Variants in IGFBP5 observed in about 807,000 individuals in gnomAD.
The protein encoded by IGFBP5 is insulin like growth factor binding protein 5, also known as insulin-like growth factor-binding protein 5.
IGFBP5 carries 12 observed loss-of-function variants against 28.0 expected under a neutral mutation model. The ratio of observed to expected loss-of-function variants is 0.43; its 90% CI spans 0.27 to 0.69. The LOEUF (loss-of-function observed/expected upper bound fraction) is 0.69. IGFBP5 is among the 30% of genes least tolerant of loss of function. IGFBP5 has a pLI of 0.20. For missense variants in IGFBP5, 344 were observed against 381.6 expected (o/e 0.90, Z 0.82); for synonymous variants, 152 against 150.2 (o/e 1.01, Z -0.09).
chr2:216,690,616 T>A (rs567081219), intron 1 of IGFBP5, among the ~76,000 whole-genome samples: 4 of 151,850 alleles, frequency 2.6e-5, no homozygotes, highest in South Asian at 4.2e-4. Context: ...GTCCACCCTC[T>A]GCAGCTGCAG....
chr2:216,684,579 G>A (rs1314967909), intron 1 of IGFBP5, among the ~76,000 whole-genome samples: 1 of 152,192 alleles, frequency 6.6e-6, no homozygotes. Context: ...AGATGAGGAC[G>A]CCTAGAATCT....
chr2:216,692,100 A>G lies in IGFBP5; in HGVS notation c.337+2339T>C, dbSNP rs1050198638. On this transcript the variant is annotated intron_variant, in intron 1 of 3. Coordinates refer to ENST00000233813, the MANE Select transcript of IGFBP5 (RefSeq NM_000599.4). This position sits in a 1 kb window ranked among gnomAD's most constrained non-coding sequence, Gnocchi z 4.2. ...GGACCCGCCCAGTGGTTGTCCGGCTAAAACGCCCTTTCCAGGAGCGCCCAC... is the reference window on the plus strand; with the variant it reads ...GGACCCGCCCAGTGGTTGTCCGGCTGAAACGCCCTTTCCAGGAGCGCCCAC... Among the ~76,000 whole-genome samples the G allele has an allele frequency of 6.6e-6, 1 of 152,120 alleles. No homozygotes were observed. The highest frequency in any genetic ancestry group is 1.5e-5 in the Non-Finnish European group (1 of 68,012).
At position 216,692,106 on chromosome 2, in the gene IGFBP5, C is replaced by A. The variant is rs1689105522; in HGVS notation, c.337+2333G>T. On this transcript the variant is annotated intron_variant, in intron 1 of 3. Coordinates refer to ENST00000233813, the MANE Select transcript of IGFBP5 (RefSeq NM_000599.4). The surrounding 1 kb of genome is among the most constrained non-coding windows in gnomAD (Gnocchi z 4.2). ...GCCCAGTGGTTGTCCGGCTAAAACG[C>A]CCTTTCCAGGAGCGCCCACTCCCAT... is the stretch of plus-strand genomic sequence containing the variant. 6.6e-6 allele frequency among the ~76,000 whole-genome samples: 1 copy of A among 152,146 alleles called. No individual in the cohort carries two copies. The highest frequency in any genetic ancestry group is 2.1e-4 in the South Asian group (1 of 4,828).
rs1688896505 is a variant in IGFBP5, at chr2:216,676,283, C to T, written c.*468G>A. ...AAACCCCAATAGTGTCATTGATTGC[C>T]ACATCCTGGGCTGCATCTTCTAGCG... is the stretch of plus-strand genomic sequence containing the variant. On this transcript the variant is annotated 3_prime_UTR_variant, in exon 4 of 4. Transcript: ENST00000233813. The T allele has an allele frequency of 6.4e-6, 1 of 156,546 alleles. No individual in the cohort carries two copies. Among genetic ancestry groups the T allele is most frequent in the Non-Finnish European group, 1.4e-5 (1 of 71,112 alleles). The allele number at this position is 156,546 out of a possible 1,614,324, so 9.7% of individuals were successfully genotyped here.
Position 216,679,879 on chromosome 2 carries a change from C to T in IGFBP5, c.338-800G>A, listed in dbSNP as rs1379146390. 6.6e-6 allele frequency among the ~76,000 whole-genome samples: 1 copy of T among 152,084 alleles called. No homozygotes were observed. The highest frequency in any genetic ancestry group is 1.5e-5 in the Non-Finnish European group (1 of 68,014). ...AGAGAGGCCGACAGCTGGCTGAGAC[C>T]GGGACAGTTATATATAGGAGTGGCT... is the stretch of plus-strand genomic sequence containing the variant. On this transcript the variant is annotated intron_variant, in intron 1 of 3. Coordinates refer to ENST00000233813, the MANE Select transcript of IGFBP5 (RefSeq NM_000599.4). This position sits in a 1 kb window ranked among gnomAD's most constrained non-coding sequence, Gnocchi z 4.6.
Position 216,679,928 on chromosome 2 carries a change from G to A in IGFBP5, c.338-849C>T, listed in dbSNP as rs953232182. ...CTTGCTGACAGTCTATACTTAGCTG[G>A]CTTTTGACCTTTAGAGAAGTCAGAC... On this transcript the variant is annotated intron_variant, in intron 1 of 3. Coordinates refer to ENST00000233813, the MANE Select transcript of IGFBP5 (RefSeq NM_000599.4). This position sits in a 1 kb window ranked among gnomAD's most constrained non-coding sequence, Gnocchi z 4.6. Among the ~76,000 whole-genome samples, 1 of 152,164 alleles carries A rather than the reference G, an allele frequency of 6.6e-6. No individual in the cohort carries two copies. Among genetic ancestry groups the A allele is most frequent in the African/African-American group, 2.4e-5 (1 of 41,436 alleles).
rs556970654 is a variant in IGFBP5 at position 216,675,523 on chromosome 2, G to A, written c.*1228C>T. ...TCGGTGGGTGCAGATGAACACACGT[G>A]GGGAATCACTGTCAAATCCAGTACT... On this transcript the variant is annotated 3_prime_UTR_variant, in exon 4 of 4. Coordinates refer to ENST00000233813, the MANE Select transcript of IGFBP5 (RefSeq NM_000599.4). 6.6e-6 allele frequency: 1 copy of A among 152,250 alleles called. No individual in the cohort carries two copies. The highest frequency in any genetic ancestry group is 2.1e-4 in the South Asian group (1 of 4,814). 9.4% of individuals were successfully genotyped at this position (152,250 alleles called of 1,614,324 possible). A position where few individuals can be genotyped will look rare whatever the true frequency, so the allele number is the denominator to read the frequency against.
At chr2:216,684,025 G>A (rs902693058) in intron 1 of IGFBP5, among the ~76,000 whole-genome samples, 14 of 152,200 alleles carry the variant, frequency 9.2e-5, no homozygotes, top group East Asian at 3.8e-4. Context: ...ACATGAACAC[G>A]TGTTTGAGGA....
intron 1 of IGFBP5, among the ~76,000 whole-genome samples, chr2:216,687,358 G>A (rs777429810): frequency 7.9e-5 from 12 of 152,112 alleles, no homozygotes; most frequent in East Asian, 3.9e-4. Context: ...GGGGCCCACC[G>A]CCCTCCACAG....
In IGFBP5 at chr2:216,679,552, C is replaced by T. The variant is rs1157361060; in HGVS notation, c.338-473G>A. 2.6e-5 allele frequency among the ~76,000 whole-genome samples: 4 copies of T among 152,002 alleles called. No homozygotes were observed. The highest frequency in any genetic ancestry group is 2.0e-4 in the Admixed American group (3 of 15,274). On this transcript the variant is annotated intron_variant, in intron 1 of 3. Transcript: ENST00000233813. The surrounding 1 kb of genome is among the most constrained non-coding windows in gnomAD (Gnocchi z 4.6). ...ATGGAGGCAGATGACACAGTCAGGG[C>T]GTGGACGAGAAGGGCAAAGGCTGTC... is the stretch of plus-strand genomic sequence containing the variant.
chr2:216,688,520 T>G (rs1269372212), intron 1 of IGFBP5, among the ~76,000 whole-genome samples: 1 of 152,154 alleles, frequency 6.6e-6, no homozygotes, highest in African/African-American at 2.4e-5. Context: ...AAATATGGCT[T>G]GTATTATGTT....
Position 216,678,164 on chromosome 2 carries a change from C to G in IGFBP5, c.635G>C (p.Arg212Pro). 6.3e-7 allele frequency: 1 copy of G among 1,595,288 alleles called. No homozygotes were observed. Among genetic ancestry groups the G allele is most frequent in the Non-Finnish European group, 8.6e-7 (1 of 1,168,560 alleles). Residue 212 changes from arginine to proline, a missense_variant, in exon 3 of 4, where the codon CGT becomes CCT. This residue lies in a region of IGFBP5 where 304 missense variants were observed against 329.2 expected (regional missense o/e 0.92). Transcript: ENST00000233813. ...ELKASPRMVP[R>P]AVYLPNCDRK... ...GTCACAATTGGGCAGGTACACAGCACGGGGCACCATGCGTGGGCTGGCTTT... is the reference window on the plus strand; with the variant it reads ...GTCACAATTGGGCAGGTACACAGCAGGGGGCACCATGCGTGGGCTGGCTTT...
At position 216,676,537 on chromosome 2, in the gene IGFBP5, G is replaced by A. The variant is rs911083162; in HGVS notation, c.*214C>T. 1 of 360,190 alleles carries A rather than the reference G, an allele frequency of 2.8e-6. No individual in the cohort carries two copies. The highest frequency in any genetic ancestry group is 4.6e-5 in the Admixed American group (1 of 21,612). The allele number at this position is 360,190 out of a possible 1,614,324, so 22.3% of individuals were successfully genotyped here. Reference sequence around the variant, plus strand: ...AAAAGAAAACCATTTAAAGGGGGGGGGTGTCTTTTTAGCTTTTTGCATCTC... The same window carrying A: ...AAAAGAAAACCATTTAAAGGGGGGGAGTGTCTTTTTAGCTTTTTGCATCTC... On this transcript the variant is annotated 3_prime_UTR_variant, in exon 4 of 4. Transcript: ENST00000233813.
rs1339722412 is a variant in IGFBP5 at position 216,673,033 on chromosome 2, C to T, written c.*3718G>A. 1.3e-5 allele frequency: 2 copies of T among 152,640 alleles called. No homozygotes were observed. Among genetic ancestry groups the T allele is most frequent in the African/African-American group, 4.8e-5 (2 of 41,470 alleles). 9.5% of individuals were successfully genotyped at this position (152,640 alleles called of 1,614,324 possible). A position where few individuals can be genotyped will look rare whatever the true frequency, so the allele number is the denominator to read the frequency against. On this transcript the variant is annotated 3_prime_UTR_variant, in exon 4 of 4. Coordinates refer to ENST00000233813, the MANE Select transcript of IGFBP5 (RefSeq NM_000599.4). This position sits in a 1 kb window ranked among gnomAD's most constrained non-coding sequence, Gnocchi z 4.3. Reference sequence around the variant, plus strand: ...TGGAAGCCAGACATATCCTCTCTGACGCTATGGGGTTTCTTCTCCTTAGAG... The same window carrying T: ...TGGAAGCCAGACATATCCTCTCTGATGCTATGGGGTTTCTTCTCCTTAGAG...
intron 1 of IGFBP5, among the ~76,000 whole-genome samples, chr2:216,690,540 G>C (rs984203040): frequency 2.6e-5 from 4 of 152,126 alleles, no homozygotes; most frequent in African/African-American, 4.8e-5. Context: ...CTTCTGCAGG[G>C]AATTCCTGCT....
rs1036945765 is a variant in IGFBP5, at chr2:216,675,183, T to C, written c.*1568A>G. The C allele has an allele frequency of 1.3e-5, 2 of 152,308 alleles. No homozygotes were observed. The highest frequency in any genetic ancestry group is 2.9e-5 in the Non-Finnish European group (2 of 68,062). The allele number at this position is 152,308 out of a possible 1,614,324, so 9.4% of individuals were successfully genotyped here. A position where few individuals can be genotyped will look rare whatever the true frequency, so the allele number is the denominator to read the frequency against. The stretch of plus-strand genomic sequence containing the variant: ...CTTCAGCCCTCTGTTCCTCCCCACA[T>C]CGACTCTGGCCGGAACCATCCATCT... On this transcript the variant is annotated 3_prime_UTR_variant, in exon 4 of 4. Transcript: ENST00000233813.
At position 216,694,623 on chromosome 2, in the gene IGFBP5, C is replaced by T. The variant is rs1275933109; in HGVS notation, c.153G>A (p.Pro51=). The change falls in exon 1 of 4, where the codon CCG becomes CCA. Residue 51 remains proline (P), a synonymous_variant. Coordinates refer to ENST00000233813, the MANE Select transcript of IGFBP5 (RefSeq NM_000599.4). The surrounding 1 kb of genome is among the most constrained non-coding windows in gnomAD (Gnocchi z 5.2). ...SPLGCELVKE[P]GCGCCMTCAL... Reference sequence around the variant, plus strand: ...CGCAGGTCATGCAGCAGCCGCAGCCCGGCTCCTTGACCAGCTCGCAGCCCA... The same window carrying T: ...CGCAGGTCATGCAGCAGCCGCAGCCTGGCTCCTTGACCAGCTCGCAGCCCA... The T allele has an allele frequency of 1.3e-6, 2 of 1,538,668 alleles. No homozygotes were observed. Among genetic ancestry groups the T allele is most frequent in the Non-Finnish European group, 1.7e-6 (2 of 1,144,254 alleles).
At chr2:216,677,522 T>C (rs1282134182) in intron 3 of IGFBP5, among the ~76,000 whole-genome samples, 2 of 152,160 alleles carry the variant, frequency 1.3e-5, no homozygotes, top group African/African-American at 2.4e-5. Context: ...AGGACACAGC[T>C]AGTAAGTGGC....
Position 216,674,564 on chromosome 2 carries a change from CAA to C in IGFBP5, c.*2185_*2186del, listed in dbSNP as rs1289062179. ...GGTCTCCGCTGTGTCATGCCATGAG[CAA>C]AGAGTGAAGAGAGCTGTGTCCACAG... On this transcript the variant is annotated 3_prime_UTR_variant, in exon 4 of 4. Transcript: ENST00000233813. This position sits in a 1 kb window ranked among gnomAD's most constrained non-coding sequence, Gnocchi z 4.4. The C allele has an allele frequency of 4.6e-5, 7 of 152,260 alleles. No individual in the cohort carries two copies. Among genetic ancestry groups the C allele is most frequent in the Non-Finnish European group, 8.8e-5 (6 of 68,060 alleles). 9.4% of individuals were successfully genotyped at this position (152,260 alleles called of 1,614,324 possible). A position where few individuals can be genotyped will look rare whatever the true frequency, so the allele number is the denominator to read the frequency against.
Sources: gnomAD v4.1 joint callset for allele counts (sites outside exome capture counted in the v4.1 genomes callset) on GRCh38, gnomAD v4.1.1 for gene constraint, gnomAD v4.1.1 regional missense constraint, Gnocchi (gnomAD v3.1) non-coding constraint, MANE v1.5 for transcripts, NCBI Gene and HGNC (gene_info 2026-07-23, HGNC 2026-07-21) for gene names.